TSPAN15: variants seen among roughly 807,000 people sequenced by gnomAD.
The protein encoded by TSPAN15 is tetraspanin 15, also known as tetraspanin-15.
Under a neutral mutation model 34.5 loss-of-function variants are expected in TSPAN15, and 20 were observed. The observed-to-expected ratio is 0.58, with a 90% CI of 0.41 to 0.84. The LOEUF (loss-of-function observed/expected upper bound fraction) is 0.84. TSPAN15 is among the 40% of genes least tolerant of loss of function. The probability of loss-of-function intolerance (pLI) is 0.00; values close to 1 mark genes in which losing one functional copy is unlikely to be tolerated. For synonymous variants in TSPAN15, 155 were observed against 153.9 expected (o/e 1.01, Z -0.05); for missense variants, 313 against 386.1 (o/e 0.81, Z 1.59).
At chr10:69,495,255 C>T (rs1312399048) in intron 3 of TSPAN15, 2 of 227,202 alleles carry the variant, frequency 8.8e-6, no homozygotes, top group Admixed American at 1.1e-4. Context: ...AGCCAGGTCT[C>T]AGCTCAGGCA....
the TSPAN15 span, among the ~76,000 whole-genome samples, chr10:69,544,864 C>T: frequency 3.9e-5 from 6 of 152,296 alleles, no homozygotes; most frequent in East Asian, 1.9e-4. Context: ...AATTAGCATT[C>T]GCTTCCTCTG....
At chr10:69,493,996 C>T (rs1453290881) in intron 3 of TSPAN15, among the ~76,000 whole-genome samples, 1 of 152,214 alleles carries the variant, frequency 6.6e-6, no homozygotes, top group African/African-American at 2.4e-5. Context: ...TCCTCTTTTC[C>T]TGATCCTGGA....
intron 1 of TSPAN15, among the ~76,000 whole-genome samples, chr10:69,453,662 GA>G (rs1841023467): frequency 6.6e-6 from 1 of 152,234 alleles, no homozygotes; most frequent in Non-Finnish European, 1.5e-5. Context: ...GGGAAAGAGT[GA>G]CATATGAGCA....
At chr10:69,522,696 C>T in the TSPAN15 span, among the ~76,000 whole-genome samples, 1 of 147,504 alleles carries the variant, frequency 6.8e-6, no homozygotes, top group Non-Finnish European at 1.5e-5. Flanking sequence ...TTCAAGGGAA[C>T]TAGGCTGCAT....
chr10:69,529,245 C>G, the TSPAN15 span, among the ~76,000 whole-genome samples: 800 of 147,706 alleles, frequency 5.4e-3, 55 homozygotes, highest in African/African-American at 0.019. Flanking sequence ...GAATTCCCAC[C>G]GCAACTCAGA....
At chr10:69,478,494 A>G (rs529683061) in intron 1 of TSPAN15, among the ~76,000 whole-genome samples, 57 of 152,066 alleles carry the variant, frequency 3.7e-4, no homozygotes, top group Non-Finnish European at 7.8e-4. Flanking sequence ...CAGGGGGCTC[A>G]TCCTGATGTT....
At chr10:69,463,941 C>A (rs1841326240) in intron 1 of TSPAN15, among the ~76,000 whole-genome samples, 1 of 152,108 alleles carries the variant, frequency 6.6e-6, no homozygotes, top group Non-Finnish European at 1.5e-5. Flanking sequence ...CTTAGATGAC[C>A]TGAGTGTGCC....
intron 3 of TSPAN15, among the ~76,000 whole-genome samples, chr10:69,493,352 C>T (rs894310073): frequency 7.2e-5 from 11 of 152,196 alleles, no homozygotes; most frequent in Non-Finnish European, 1.5e-4. Flanking sequence ...CATCTCCTCT[C>T]TTCTCTTGGG....
intron 1 of TSPAN15, among the ~76,000 whole-genome samples, chr10:69,464,170 C>T (rs1026307500): frequency 6.6e-6 from 1 of 152,282 alleles, no homozygotes; most frequent in Admixed American, 6.5e-5. Context: ...GCTCACCAGA[C>T]ACCTTGGCCT....
chr10:69,539,479 A>AAGG, the TSPAN15 span, among the ~76,000 whole-genome samples: 4 of 71,178 alleles, frequency 5.6e-5, no homozygotes, highest in African/African-American at 2.0e-4. Context: ...GGAGAAGGAG[A>AAGG]AGGAGAAGAA....
the TSPAN15 span, among the ~76,000 whole-genome samples, chr10:69,521,612 A>G: frequency 1.4e-5 from 2 of 148,004 alleles, no homozygotes; most frequent in African/African-American, 4.9e-5. Flanking sequence ...AAATAAATAC[A>G]ATTAAAAATA....
At chr10:69,493,470 C>CTTTT (rs5785919) in intron 3 of TSPAN15, among the ~76,000 whole-genome samples, 16 of 118,788 alleles carry the variant, frequency 1.3e-4, no homozygotes, top group African/African-American at 2.3e-4. Flanking sequence ...AGCCCATCTC[C>CTTTT]TTTTTTTTTT....
At chr10:69,476,203 G>C (rs2133097509) in intron 1 of TSPAN15, among the ~76,000 whole-genome samples, 1 of 152,184 alleles carries the variant, frequency 6.6e-6, no homozygotes, top group East Asian at 1.9e-4. Context: ...TGGCCTACCA[G>C]ATGGCAAGAT....
intron 1 of TSPAN15, among the ~76,000 whole-genome samples, chr10:69,476,999 C>A (rs1038012211): frequency 1.3e-5 from 2 of 152,086 alleles, no homozygotes; most frequent in Non-Finnish European, 2.9e-5. Flanking sequence ...GTTTTGCTTT[C>A]CTTACAGGAA....
the TSPAN15 span, among the ~76,000 whole-genome samples, chr10:69,537,554 G>A: frequency 6.6e-6 from 1 of 152,130 alleles, no homozygotes; most frequent in Non-Finnish European, 1.5e-5. Context: ...CTTGGCTTGT[G>A]GCAGCAGAAA....
chr10:69,452,914 C>T (rs1841005549), intron 1 of TSPAN15, among the ~76,000 whole-genome samples: 1 of 152,206 alleles, frequency 6.6e-6, no homozygotes, highest in Non-Finnish European at 1.5e-5. Flanking sequence ...GCTGGATTTG[C>T]CATCAGGACT....
At chr10:69,505,367 A>G (rs922801341) in intron 6 of TSPAN15, among the ~76,000 whole-genome samples, 2 of 152,224 alleles carry the variant, frequency 1.3e-5, no homozygotes, top group African/African-American at 4.8e-5. Context: ...CTGAGGCTGT[A>G]GTAGCTACAG....
At chr10:69,517,831 C>G in the TSPAN15 span, among the ~76,000 whole-genome samples, 1 of 152,088 alleles carries the variant, frequency 6.6e-6, no homozygotes, top group African/African-American at 2.4e-5. Flanking sequence ...CATCCAATGC[C>G]CTGTGGAAAT....
At chr10:69,535,480 C>A in the TSPAN15 span, among the ~76,000 whole-genome samples, 1 of 152,176 alleles carries the variant, frequency 6.6e-6, no homozygotes, top group African/African-American at 2.4e-5. Context: ...AGAAGCAATG[C>A]GTTGTCTTAG....
Sources: allele counts gnomAD v4.1 joint callset (sites outside exome capture counted in the v4.1 genomes callset), GRCh38; gene constraint gnomAD v4.1.1; transcripts MANE v1.5; gene names NCBI Gene and HGNC (gene_info 2026-07-23, HGNC 2026-07-21).